The following LRRC52 variants were observed in gnomAD, a reference collection of about 807,000 sequenced individuals.
LRRC52 encodes the protein leucine-rich repeat-containing protein 52.
LRRC52 carries 15 observed loss-of-function variants against 14.7 expected under a neutral mutation model. The observed-to-expected ratio is 1.02, with a 90% CI of 0.68 to 1.58. The LOEUF (loss-of-function observed/expected upper bound fraction) is 1.58, where lower values mean the gene tolerates loss of function less well. Among genes scored for constraint, LRRC52 ranks in the 40% most tolerant of loss-of-function variants. The pLI is 0.00. For missense variants in LRRC52, 400 were observed against 387.7 expected, an observed-to-expected ratio of 1.03 and a Z score of -0.27; for synonymous variants, 180 against 163.9, an observed-to-expected ratio of 1.10 and a Z score of -0.75.
chr1:165,545,504 T>G (rs1374552102), intron 1 of LRRC52, among the ~76,000 whole-genome samples: 1 of 152,134 alleles, frequency 6.6e-6, no homozygotes, highest in Non-Finnish European at 1.5e-5. Context: ...GGGCTTTTGA[T>G]AGCTGCTTTG....
At position 165,544,247 on chromosome 1, in the gene LRRC52, A is replaced by G; in HGVS notation, c.-50A>G. 2.1e-6 allele frequency: 3 copies of G among 1,438,086 alleles called. No homozygotes were observed. Among genetic ancestry groups the G allele is most frequent in the South Asian group, 1.2e-5 (1 of 81,242 alleles). The allele number at this position is 1,438,086 out of a possible 1,614,324, so 89.1% of individuals were successfully genotyped here. A position where few individuals can be genotyped will look rare whatever the true frequency, so the allele number is the denominator to read the frequency against. ...CCCCCACCGGCAGCCTTCGGATCAG[A>G]GGACAGAGCCCGCAGGAAGGTGAAA... is the stretch of plus-strand genomic sequence containing the variant. On this transcript the variant is annotated 5_prime_UTR_variant, in exon 1 of 2. Coordinates refer to ENST00000294818, the MANE Select transcript of LRRC52 (RefSeq NM_001005214.4).
At chr1:165,556,418 T>C (rs990822943) in intron 1 of LRRC52, among the ~76,000 whole-genome samples, 1 of 152,174 alleles carries the variant, frequency 6.6e-6, no homozygotes, top group Non-Finnish European at 1.5e-5. Flanking sequence ...CAGATAAGAA[T>C]TATACTTTGC....
chr1:165,562,579 G>A (rs748918426), intron 1 of LRRC52, among the ~76,000 whole-genome samples: 1 of 152,198 alleles, frequency 6.6e-6, no homozygotes, highest in African/African-American at 2.4e-5. Context: ...GGTAAGATGA[G>A]GAAACGGAAT....
intron 1 of LRRC52, among the ~76,000 whole-genome samples, chr1:165,549,128 A>G (rs1661081605): frequency 6.6e-6 from 1 of 152,240 alleles, no homozygotes. Context: ...AGATAAGTTA[A>G]GAACATGGGT....
In LRRC52 at chr1:165,563,597, C is replaced by T; in HGVS notation, c.715C>T (p.His239Tyr). 1.9e-6 allele frequency: 3 copies of T among 1,614,270 alleles called. No homozygotes were observed. The highest frequency in any genetic ancestry group is 2.5e-6 in the Non-Finnish European group (3 of 1,180,044). Residue 239 changes from histidine (H) to tyrosine (Y), a missense_variant, in exon 2 of 2, where the codon CAC becomes TAC. Coordinates refer to ENST00000294818, the MANE Select transcript of LRRC52 (RefSeq NM_001005214.4). ...GNPLRYMCIT[H>Y]LDHKDYIFLL... ...CCCACTCCGATACATGTGCATCACG[C>T]ACCTGGACCACAAAGACTACATCTT...
In LRRC52 at chr1:165,560,277, C is replaced by G. The variant is rs562346368; in HGVS notation, c.623-3228C>G. 2.0e-5 allele frequency among the ~76,000 whole-genome samples: 3 copies of G among 152,274 alleles called. No homozygotes were observed. In the South Asian group the frequency reaches 6.2e-4, roughly 32 times the overall value. On this transcript the variant is annotated intron_variant, in intron 1 of 1. Coordinates refer to ENST00000294818, the MANE Select transcript of LRRC52 (RefSeq NM_001005214.4). The stretch of plus-strand genomic sequence containing the variant: ...CTTACATTCAGCCATATAGCAAATT[C>G]TCAAGAAATTTCAAAGGATCAGAGT...
In LRRC52 at chr1:165,544,221, C is replaced by G; in HGVS notation, c.-76C>G. The stretch of plus-strand genomic sequence containing the variant: ...TTCCAGAGCCCCTCCCCCGCCCCAC[C>G]CCCCCACCGGCAGCCTTCGGATCAG... On this transcript the variant is annotated 5_prime_UTR_variant, in exon 1 of 2. Transcript: ENST00000294818. 7.4e-7 allele frequency: 1 copy of G among 1,355,296 alleles called. No individual in the cohort carries two copies. The highest frequency in any genetic ancestry group is 1.5e-5 in the African/African-American group (1 of 65,666). The allele number at this position is 1,355,296 out of a possible 1,614,324, so 84.0% of individuals were successfully genotyped here.
At position 165,563,702 on chromosome 1, in the gene LRRC52, C is replaced by G. The variant is rs371179896; in HGVS notation, c.820C>G (p.Gln274Glu). ...WLTGVCAVLYQNTRHKSSEED... is the reference protein window; with the variant it reads ...WLTGVCAVLYENTRHKSSEED... ...CACAGGTGTGTGTGCTGTGCTCTACCAGAACACCCGCCACAAGTCGAGTGA... is the reference window on the plus strand; with the variant it reads ...CACAGGTGTGTGTGCTGTGCTCTACGAGAACACCCGCCACAAGTCGAGTGA... The change falls in exon 2 of 2, where the codon CAG becomes GAG. Residue 274 changes from glutamine to glutamate, a missense_variant. Coordinates refer to ENST00000294818, the MANE Select transcript of LRRC52 (RefSeq NM_001005214.4). 1 of 1,614,014 alleles carries G rather than the reference C, an allele frequency of 6.2e-7. No individual in the cohort carries two copies. Among genetic ancestry groups the G allele is most frequent in the African/African-American group, 1.3e-5 (1 of 74,918 alleles).
chr1:165,557,870 C>G (rs183280298), intron 1 of LRRC52, among the ~76,000 whole-genome samples: 3 of 152,300 alleles, frequency 2.0e-5, no homozygotes, highest in Admixed American at 1.3e-4. Flanking sequence ...CCTAGATGCT[C>G]ACCCCTCCAG....
Position 165,544,158 on chromosome 1 carries a change from GA to G in LRRC52, c.-135del, listed in dbSNP as rs1557961561. On this transcript the variant is annotated 5_prime_UTR_variant, in exon 1 of 2. It removes the in-frame stop codon of an upstream open reading frame in the 5' UTR. Coordinates refer to ENST00000294818, the MANE Select transcript of LRRC52 (RefSeq NM_001005214.4). Reference sequence around the variant, plus strand: ...ATTTCTGTTCAGTTCTCCTGTAATGGAAAATTGCTTTGCACAAAGCTAAAGT... The same window carrying G: ...ATTTCTGTTCAGTTCTCCTGTAATGGAAATTGCTTTGCACAAAGCTAAAGT... 2 of 1,104,436 alleles carry G rather than the reference GA, an allele frequency of 1.8e-6. No individual in the cohort carries two copies. The highest frequency in any genetic ancestry group is 2.6e-6 in the Non-Finnish European group (2 of 773,722). The allele number at this position is 1,104,436 out of a possible 1,614,324, so 68.4% of individuals were successfully genotyped here. A position where few individuals can be genotyped will look rare whatever the true frequency, so the allele number is the denominator to read the frequency against.
intron 1 of LRRC52, among the ~76,000 whole-genome samples, chr1:165,559,459 G>T (rs1571112568): frequency 6.6e-6 from 1 of 152,076 alleles, no homozygotes; most frequent in Admixed American, 6.6e-5. Flanking sequence ...GTAAAAACTG[G>T]TAATTTTAAA....
In LRRC52 at chr1:165,551,447, T is replaced by C. The variant is rs866466970; in HGVS notation, c.622+6529T>C. Among the ~76,000 whole-genome samples, 23 of 152,340 alleles carry C rather than the reference T, an allele frequency of 1.5e-4. No individual in the cohort carries two copies. In the Middle Eastern group the frequency reaches 0.014, roughly 90 times the overall value. ...TTTGCTCTGAGATGCTAATGGCTAGTGTTTTGAAATATCCCCTCAGGGAGC... is the reference window on the plus strand; with the variant it reads ...TTTGCTCTGAGATGCTAATGGCTAGCGTTTTGAAATATCCCCTCAGGGAGC... On this transcript the variant is annotated intron_variant, in intron 1 of 1. Transcript: ENST00000294818.
chr1:165,563,496 T>C lies in LRRC52; in HGVS notation c.623-9T>C, dbSNP rs1661390123. On this transcript the variant is annotated splice_polypyrimidine_tract_variant and intron_variant, in intron 1 of 1. Coordinates refer to ENST00000294818, the MANE Select transcript of LRRC52 (RefSeq NM_001005214.4). ...TTCAGCACCCTGCCTGCTGTGTTTT[T>C]CTTCTTAGATGATCTAAATGCCACA... 6.2e-7 allele frequency: 1 copy of C among 1,605,148 alleles called. No individual in the cohort carries two copies. Among genetic ancestry groups the C allele is most frequent in the Non-Finnish European group, 8.5e-7 (1 of 1,174,722 alleles).
chr1:165,554,408 C>G (rs1204748900), intron 1 of LRRC52, among the ~76,000 whole-genome samples: 1 of 145,278 alleles, frequency 6.9e-6, no homozygotes, highest in East Asian at 2.0e-4. Context: ...GCTGCATGAC[C>G]CATATGCAAT....
Position 165,544,389 on chromosome 1 carries a change from G to T in LRRC52, c.93G>T (p.Leu31=). 6.2e-7 allele frequency: 1 copy of T among 1,614,082 alleles called. No homozygotes were observed. The change falls in exon 1 of 2, where the codon CTG becomes CTT. Residue 31 remains leucine, a synonymous_variant. Coordinates refer to ENST00000294818, the MANE Select transcript of LRRC52 (RefSeq NM_001005214.4). ...GGTCAAAGTGTCCAAATAATTGTCT[G>T]TGTCAAGCCCAAGAAGTAATCTGCA... ...VSGSKCPNNC[L]CQAQEVICTG...
intron 1 of LRRC52, among the ~76,000 whole-genome samples, chr1:165,551,305 G>T (rs1010861821): frequency 6.6e-6 from 1 of 152,168 alleles, no homozygotes; most frequent in African/African-American, 2.4e-5. Context: ...TATGCCCTGA[G>T]GTTCTGATTC....
intron 1 of LRRC52, among the ~76,000 whole-genome samples, chr1:165,552,401 T>C (rs1321036184): frequency 6.6e-6 from 1 of 152,158 alleles, no homozygotes; most frequent in Non-Finnish European, 1.5e-5. Flanking sequence ...CTACAAAGGA[T>C]GGATGTGGCT....
At chr1:165,548,514 G>A (rs917527980) in intron 1 of LRRC52, among the ~76,000 whole-genome samples, 4 of 152,176 alleles carry the variant, frequency 2.6e-5, no homozygotes, top group African/African-American at 9.7e-5. Flanking sequence ...GTGCCTGCTG[G>A]GGTGACAGGC....
chr1:165,544,260 C>A lies in LRRC52; in HGVS notation c.-37C>A. The stretch of plus-strand genomic sequence containing the variant: ...CCTTCGGATCAGAGGACAGAGCCCG[C>A]AGGAAGGTGAAAGGAGGGTGGTTGT... On this transcript the variant is annotated 5_prime_UTR_variant, in exon 1 of 2. Coordinates refer to ENST00000294818, the MANE Select transcript of LRRC52 (RefSeq NM_001005214.4). 6.3e-7 allele frequency: 1 copy of A among 1,586,814 alleles called. No homozygotes were observed. The highest frequency in any genetic ancestry group is 2.2e-5 in the East Asian group (1 of 44,536).
Sources: allele counts gnomAD v4.1 joint callset (sites outside exome capture counted in the v4.1 genomes callset), GRCh38; gene constraint gnomAD v4.1.1; transcripts MANE v1.5; gene names NCBI Gene and HGNC (gene_info 2026-07-23, HGNC 2026-07-21).